NTSR1: variants seen among roughly 807,000 people sequenced by gnomAD.
NTSR1 encodes the protein neurotensin receptor type 1.
Under a neutral mutation model 31.2 loss-of-function variants are expected in NTSR1, and 29 were observed. The observed-to-expected ratio is 0.93, with a 90% CI of 0.69 to 1.27. The LOEUF (loss-of-function observed/expected upper bound fraction) is 1.27, where lower values mean the gene tolerates loss of function less well. NTSR1 is among the 50% of genes most tolerant of loss of function. The probability of loss-of-function intolerance (pLI) is 0.00; values close to 1 mark genes in which losing one functional copy is unlikely to be tolerated. For synonymous variants in NTSR1, 282 were observed against 269.9 expected, an observed-to-expected ratio of 1.04 and a Z score of -0.44; for missense variants, 697 against 595.4, an observed-to-expected ratio of 1.17 and a Z score of -1.78.
rs11403481 is a variant in NTSR1, at chr20:62,759,774, C to CAA, written c.1008-230_1008-229dup. 1.8e-3 allele frequency among the ~76,000 whole-genome samples: 230 copies of CAA among 131,088 alleles called. 3 individuals carry two copies. The East Asian group carries it at 0.025, about 14-fold the overall frequency. The allele number at this position is 131,088 out of a possible 152,430, so 86.0% of individuals were successfully genotyped here. ...TGGGAGACAGAGCGAGACTCCGTCT[C>CAA]AAAAAAAAAAAAAAAGCAGCAGCAG... On this transcript the variant is annotated intron_variant, in intron 3 of 3. Coordinates refer to ENST00000370501, the MANE Select transcript of NTSR1 (RefSeq NM_002531.3).
intron 1 of NTSR1, among the ~76,000 whole-genome samples, chr20:62,718,907 T>C (rs1435834610): frequency 6.6e-6 from 1 of 152,244 alleles, no homozygotes; most frequent in South Asian, 2.1e-4. Flanking sequence ...TGCTGGGTCA[T>C]ACAGAAAGTG....
At chr20:62,738,319 G>A (rs988978452) in intron 1 of NTSR1, among the ~76,000 whole-genome samples, 3 of 152,250 alleles carry the variant, frequency 2.0e-5, no homozygotes, top group African/African-American at 4.8e-5. Flanking sequence ...AACATTCCAA[G>A]AAGAGTCAGG....
chr20:62,731,086 T>C (rs1442087190), intron 1 of NTSR1, among the ~76,000 whole-genome samples: 1 of 152,218 alleles, frequency 6.6e-6, no homozygotes, highest in African/African-American at 2.4e-5. Flanking sequence ...GTTTTTGTTT[T>C]TTCTTTTTTG....
intron 1 of NTSR1, among the ~76,000 whole-genome samples, chr20:62,739,042 A>G (rs1361359486): frequency 6.6e-6 from 1 of 152,118 alleles, no homozygotes; most frequent in Non-Finnish European, 1.5e-5. Flanking sequence ...CATAAAACAG[A>G]AAAGCCAAGC....
intron 1 of NTSR1, among the ~76,000 whole-genome samples, chr20:62,738,463 G>A (rs555395800): frequency 3.3e-5 from 5 of 152,386 alleles, no homozygotes; most frequent in East Asian, 1.9e-4. Flanking sequence ...CTCAGCTGCC[G>A]CTGCGTTCCT....
chr20:62,749,378 A>G (rs964448218), intron 1 of NTSR1, among the ~76,000 whole-genome samples: 2 of 152,192 alleles, frequency 1.3e-5, no homozygotes, highest in African/African-American at 4.8e-5. Context: ...GCAAAAAAAA[A>G]TCAGCTTAAA....
chr20:62,709,777 C>G lies in NTSR1; in HGVS notation c.570C>G (p.Ser190Arg), dbSNP rs1363554586. ...MSRSRTKKFI[S>R]AIWLASALLA... ...GAAGCCGCACCAAGAAGTTCATCAG[C>G]GCCATCTGGCTCGCCTCGGCCCTGC... Residue 190 changes from serine (S) to arginine (R), a missense_variant, in exon 1 of 4, where the codon AGC becomes AGG. By Grantham distance (110) the Ser-to-Arg change is moderately radical. Transcript: ENST00000370501. The G allele has an allele frequency of 1.6e-5, 26 of 1,613,048 alleles. No homozygotes were observed. The highest frequency in any genetic ancestry group is 2.2e-5 in the Non-Finnish European group (26 of 1,179,928).
intron 1 of NTSR1, among the ~76,000 whole-genome samples, chr20:62,738,022 C>T (rs1253755724): frequency 1.5e-5 from 1 of 68,550 alleles, no homozygotes; most frequent in African/African-American, 1.1e-4. Flanking sequence ...TCCTCCGCAA[C>T]AGCCGCATCC....
intron 1 of NTSR1, among the ~76,000 whole-genome samples, chr20:62,721,249 CT>C (rs1200982474): frequency 1.3e-5 from 2 of 152,028 alleles, no homozygotes; most frequent in African/African-American, 4.8e-5. Context: ...AGAGAGTTAC[CT>C]TTACCTCAAG....
At chr20:62,712,744 C>T (rs956994396) in intron 1 of NTSR1, among the ~76,000 whole-genome samples, 1 of 152,248 alleles carries the variant, frequency 6.6e-6, no homozygotes, top group Non-Finnish European at 1.5e-5. Context: ...AACCCACCCG[C>T]ACACGTGGCC....
chr20:62,740,690 A>G (rs1989189821), intron 1 of NTSR1, among the ~76,000 whole-genome samples: 1 of 152,186 alleles, frequency 6.6e-6, no homozygotes, highest in South Asian at 2.1e-4. Context: ...AGATCCCCAG[A>G]GAGGTGGGGG....
At chr20:62,759,549 T>A (rs923589087) in intron 3 of NTSR1, among the ~76,000 whole-genome samples, 1 of 150,432 alleles carries the variant, frequency 6.6e-6, no homozygotes, top group African/African-American at 2.5e-5. Context: ...CTGAGGTGGG[T>A]GGATCACGAG....
Position 62,744,300 on chromosome 20 carries a change from A to G in NTSR1, c.715-10385A>G, listed in dbSNP as rs1033873765. On this transcript the variant is annotated intron_variant, in intron 1 of 3. Coordinates refer to ENST00000370501, the MANE Select transcript of NTSR1 (RefSeq NM_002531.3). This position sits in a 1 kb window ranked among gnomAD's most constrained non-coding sequence, Gnocchi z 4.1. ...CTGGACGCAGTGGCTCGTGTTTGTA[A>G]TCCCAGCACTTTGGGAGGCCGAGGT... Among the ~76,000 whole-genome samples, 1 of 152,112 alleles carries G rather than the reference A, an allele frequency of 6.6e-6. No homozygotes were observed. Among genetic ancestry groups the G allele is most frequent in the Non-Finnish European group, 1.5e-5 (1 of 68,040 alleles).
In NTSR1 at chr20:62,714,134, A is replaced by G. The variant is rs753581900; in HGVS notation, c.714+4213A>G. 7.2e-5 allele frequency among the ~76,000 whole-genome samples: 11 copies of G among 152,216 alleles called. No homozygotes were observed. Among genetic ancestry groups the G allele is most frequent in the Admixed American group, 7.2e-4 (11 of 15,290 alleles). On this transcript the variant is annotated intron_variant, in intron 1 of 3. Coordinates refer to ENST00000370501, the MANE Select transcript of NTSR1 (RefSeq NM_002531.3). The surrounding 1 kb of genome is among the most constrained non-coding windows in gnomAD (Gnocchi z 4.1). ...AGAAGAAGTTCTTCAAGGGGTCCTT[A>G]GGAACAGCCTGCTCCACTCTGACCT...
In NTSR1 at chr20:62,754,780, G is replaced by C; in HGVS notation, c.810G>C (p.Ala270=). Residue 270 remains alanine, a synonymous_variant, in exon 2 of 4, where the codon GCG becomes GCC. Transcript: ENST00000370501. ...ANKLTVMVRQ[A]AEQGQVCTVG... ...AGCTGACCGTCATGGTACGCCAGGCGGCCGAGCAGGGCCAAGTGTGCACGG... is the reference window on the plus strand; with the variant it reads ...AGCTGACCGTCATGGTACGCCAGGCCGCCGAGCAGGGCCAAGTGTGCACGG... The C allele has an allele frequency of 1.2e-6, 2 of 1,611,966 alleles. No individual in the cohort carries two copies. The highest frequency in any genetic ancestry group is 1.7e-6 in the Non-Finnish European group (2 of 1,179,772).
chr20:62,754,744 C>T lies in NTSR1; in HGVS notation c.774C>T (p.Ile258=). Residue 258 remains isoleucine (I), a synonymous_variant, in exon 2 of 4, where the codon ATC becomes ATT. Coordinates refer to ENST00000370501, the MANE Select transcript of NTSR1 (RefSeq NM_002531.3). ...PMVVISVLNT[I]IANKLTVMVR... ...TGGTCATCTCGGTCCTGAACACCATCATCGCCAACAAGCTGACCGTCATGG... is the reference window on the plus strand; with the variant it reads ...TGGTCATCTCGGTCCTGAACACCATTATCGCCAACAAGCTGACCGTCATGG... 1 of 1,612,966 alleles carries T rather than the reference C, an allele frequency of 6.2e-7. No homozygotes were observed. The highest frequency in any genetic ancestry group is 8.5e-7 in the Non-Finnish European group (1 of 1,179,816).
chr20:62,709,785 G>A lies in NTSR1; in HGVS notation c.578G>A (p.Trp193Ter). The A allele has an allele frequency of 6.2e-7, 1 of 1,612,956 alleles. No individual in the cohort carries two copies. Among genetic ancestry groups the A allele is most frequent in the Non-Finnish European group, 8.5e-7 (1 of 1,179,918 alleles). The change falls in exon 1 of 4, where the codon TGG becomes TAG. Residue 193 changes from tryptophan to a stop codon, truncating the protein, a stop_gained. Transcript: ENST00000370501. LOFTEE classifies it high-confidence loss of function. ...ACCAAGAAGTTCATCAGCGCCATCT[G>A]GCTCGCCTCGGCCCTGCTGGCGGTG... is the stretch of plus-strand genomic sequence containing the variant. Reference protein sequence around the residue: ...SRTKKFISAIWLASALLAVPM... With the variant: ...SRTKKFISAI
intron 1 of NTSR1, among the ~76,000 whole-genome samples, chr20:62,719,525 T>TCGGTACATCGTCATGCGACCATCTCCAC (rs1988796953): frequency 6.6e-6 from 1 of 151,924 alleles, no homozygotes; most frequent in Non-Finnish European, 1.5e-5. Flanking sequence ...ACCCTCCCTC[T>TCGGTACATCGTCATGCGACCATCTCCAC]CCAGAGCTCT....
chr20:62,721,698 A>T (rs1420591435), intron 1 of NTSR1, among the ~76,000 whole-genome samples: 1 of 152,222 alleles, frequency 6.6e-6, no homozygotes, highest in Non-Finnish European at 1.5e-5. Flanking sequence ...GTGTTGACTC[A>T]TACACAGAAC....
Sources: allele counts gnomAD v4.1 joint callset (sites outside exome capture counted in the v4.1 genomes callset), GRCh38; gene constraint gnomAD v4.1.1; non-coding constraint Gnocchi (gnomAD v3.1); transcripts MANE v1.5; gene names NCBI Gene and HGNC (gene_info 2026-07-23, HGNC 2026-07-21).